C1orf174: variants seen among roughly 807,000 people sequenced by gnomAD.
The protein encoded by C1orf174 is chromosome 1 open reading frame 174.
C1orf174 carries 13 observed loss-of-function variants against 18.4 expected under a neutral mutation model. The observed-to-expected ratio is 0.71, with a 90% CI of 0.46 to 1.12. The LOEUF (loss-of-function observed/expected upper bound fraction) is 1.12, where lower values mean the gene tolerates loss of function less well. Among genes scored for constraint, C1orf174 ranks in the 50% most tolerant of loss-of-function variants. The pLI is 0.00. For missense variants in C1orf174, 309 were observed against 308.0 expected (o/e 1.00, Z -0.02); for synonymous variants, 100 against 118.3 (o/e 0.85, Z 1.01).
chr1:3,900,199 C>A lies in C1orf174; in HGVS notation c.-13G>T, dbSNP rs747698279. On this transcript the variant is annotated 5_prime_UTR_variant, in exon 1 of 4. Coordinates refer to ENST00000361605, the MANE Select transcript of C1orf174 (RefSeq NM_207356.3). ...TCCGGCTCCTCATGAGTGTGAGCAC[C>A]GCAGCCAAGCACCGCGCGCCCCGGC... 1.9e-6 allele frequency: 3 copies of A among 1,581,028 alleles called. No homozygotes were observed. The highest frequency in any genetic ancestry group is 1.1e-5 in the South Asian group (1 of 89,244).
intron 1 of C1orf174, among the ~76,000 whole-genome samples, chr1:3,899,628 G>A (rs1318449446): frequency 6.6e-6 from 1 of 152,204 alleles, no homozygotes; most frequent in African/African-American, 2.4e-5. Context: ...AGCAGTTGAG[G>A]GGCACAAACT....
intron 1 of C1orf174, among the ~76,000 whole-genome samples, chr1:3,895,081 C>T (rs1369660878): frequency 1.3e-5 from 2 of 152,226 alleles, no homozygotes; most frequent in African/African-American, 2.4e-5. Flanking sequence ...CCTAGAAAGC[C>T]ACTGCCCCAC....
chr1:3,889,855 T>C lies in C1orf174; in HGVS notation c.*105A>G. On this transcript the variant is annotated 3_prime_UTR_variant, in exon 4 of 4. Transcript: ENST00000361605. ...TAGATGGGTCAGTTCTGAAGTTTGA[T>C]TAAGACATTCTCTTGGAGATACATT... The C allele has an allele frequency of 9.3e-7, 1 of 1,071,778 alleles. No individual in the cohort carries two copies. Among genetic ancestry groups the C allele is most frequent in the Non-Finnish European group, 1.4e-6 (1 of 696,498 alleles). The allele number at this position is 1,071,778 out of a possible 1,614,324, so 66.4% of individuals were successfully genotyped here. A position where few individuals can be genotyped will look rare whatever the true frequency, so the allele number is the denominator to read the frequency against.
rs548764258 is a variant in C1orf174, at chr1:3,895,182, G to A, written c.16-2186C>T. 4.6e-5 allele frequency: 7 copies of A among 152,508 alleles called. No homozygotes were observed. In the South Asian group the frequency reaches 1.2e-3, roughly 27 times the overall value. The allele number at this position is 152,508 out of a possible 1,614,324, so 9.4% of individuals were successfully genotyped here. ...GGGAGCCCAGCTCGGTGCCTGAACA[G>A]CTTTAAAGGAGTGGCACACCCATTT... On this transcript the variant is annotated intron_variant, in intron 1 of 3. Transcript: ENST00000361605.
At chr1:3,898,528 C>CAACAA (rs1557741838) in intron 1 of C1orf174, among the ~76,000 whole-genome samples, 1 of 136,868 alleles carries the variant, frequency 7.3e-6, no homozygotes, top group Non-Finnish European at 1.6e-5. Flanking sequence ...ACAACAACAA[C>CAACAA]AACAACAACA....
intron 1 of C1orf174, chr1:3,895,992 G>C (rs967844921): frequency 6.6e-6 from 1 of 152,640 alleles, no homozygotes. Context: ...TGGGCACCCA[G>C]CAAATGAAGA....
rs1638466651 is a variant in C1orf174 at position 3,889,718 on chromosome 1, A to G, written c.*242T>C. Reference sequence around the variant, plus strand: ...CTCCAAGGAAAAAAAAAAAAAAAAAAAAAGAAAGGACATTGGCACAGTACA... The same window carrying G: ...CTCCAAGGAAAAAAAAAAAAAAAAAGAAAGAAAGGACATTGGCACAGTACA... On this transcript the variant is annotated 3_prime_UTR_variant, in exon 4 of 4. Coordinates refer to ENST00000361605, the MANE Select transcript of C1orf174 (RefSeq NM_207356.3). 4 of 328,082 alleles carry G rather than the reference A, an allele frequency of 1.2e-5. No homozygotes were observed. The South Asian group carries it at 1.8e-4, about 15-fold the overall frequency. The allele number at this position is 328,082 out of a possible 1,614,324, so 20.3% of individuals were successfully genotyped here.
intron 1 of C1orf174, among the ~76,000 whole-genome samples, chr1:3,899,356 T>C (rs980991078): frequency 2.0e-5 from 3 of 152,136 alleles, no homozygotes; most frequent in Admixed American, 2.0e-4. Flanking sequence ...AAGTGGCCAC[T>C]CCATTTGAAC....
At chr1:3,899,335 T>G (rs1638664137) in intron 1 of C1orf174, among the ~76,000 whole-genome samples, 1 of 151,690 alleles carries the variant, frequency 6.6e-6, no homozygotes, top group South Asian at 2.1e-4. Context: ...GTAAAAGGAG[T>G]TGGAATTCAC....
At chr1:3,899,906 C>T (rs1638676271) in intron 1 of C1orf174, among the ~76,000 whole-genome samples, 1 of 151,926 alleles carries the variant, frequency 6.6e-6, no homozygotes. Context: ...CCTGGGAGCC[C>T]CCTTCTCCCG....
At chr1:3,895,591 G>A (rs1049229223) in intron 1 of C1orf174, 1 of 150,616 alleles carries the variant, frequency 6.6e-6, no homozygotes, top group African/African-American at 2.4e-5. Flanking sequence ...AGACACCTGA[G>A]CAGGCCATTT....
Position 3,890,873 on chromosome 1 carries a change from C to T in C1orf174, c.314G>A (p.Gly105Asp), listed in dbSNP as rs771131563. The T allele has an allele frequency of 2.5e-6, 4 of 1,613,794 alleles. No homozygotes were observed. The highest frequency in any genetic ancestry group is 3.4e-6 in the Non-Finnish European group (4 of 1,180,020). The stretch of plus-strand genomic sequence containing the variant: ...CTGCACAGAAACGCCAGCCTCGCTG[C>T]CTGGAAGCAAGGCACTGCCTTCAGC... ...EFAEGSALLP[G>D]SEAGVSVQQG... is the part of the protein sequence containing the mutation. The change falls in exon 3 of 4, where the codon GGC becomes GAC. Residue 105 changes from glycine (G) to aspartate (D), a missense_variant. Physicochemically the swap from Gly to Asp is moderately conservative, Grantham distance 94 (BLOSUM62 -1). Coordinates refer to ENST00000361605, the MANE Select transcript of C1orf174 (RefSeq NM_207356.3).
At chr1:3,895,512 T>A (rs1638590565) in intron 1 of C1orf174, 1 of 152,218 alleles carries the variant, frequency 6.6e-6, no homozygotes, top group Non-Finnish European at 1.5e-5. Flanking sequence ...GATGATCTGC[T>A]GGGCTGGAAG....
intron 1 of C1orf174, among the ~76,000 whole-genome samples, chr1:3,893,249 T>C (rs1020779262): frequency 6.6e-6 from 1 of 152,236 alleles, no homozygotes; most frequent in African/African-American, 2.4e-5. Flanking sequence ...TGTATATTTC[T>C]AGTAGCCACC....
Position 3,900,160 on chromosome 1 carries a change from C to A in C1orf174, c.15+12G>T. On this transcript the variant is annotated intron_variant, in intron 1 of 3. Transcript: ENST00000361605. ...CTGCCCGGCGCAGCTGCTGCCGGGA[C>A]CCAGCCCTCACCTTCCGGCTCCTCA... The A allele has an allele frequency of 6.3e-7, 1 of 1,582,206 alleles. No individual in the cohort carries two copies. The highest frequency in any genetic ancestry group is 8.5e-7 in the Non-Finnish European group (1 of 1,173,186).
Position 3,900,061 on chromosome 1 carries a change from G to T in C1orf174, c.15+111C>A, listed in dbSNP as rs893938862. The T allele has an allele frequency of 2.2e-6, 3 of 1,349,574 alleles. No homozygotes were observed. In the African/African-American group the frequency reaches 4.6e-5, roughly 21 times the overall value. The allele number at this position is 1,349,574 out of a possible 1,614,324, so 83.6% of individuals were successfully genotyped here. On this transcript the variant is annotated intron_variant, in intron 1 of 3. Coordinates refer to ENST00000361605, the MANE Select transcript of C1orf174 (RefSeq NM_207356.3). ...TGCCGGGGGCGAGGCCCAAGCGGAG[G>T]CCGCTCCTAGGCCACAGGCACCCCG...
intron 1 of C1orf174, among the ~76,000 whole-genome samples, chr1:3,895,079 G>C (rs546061749): frequency 6.6e-6 from 1 of 152,300 alleles, no homozygotes; most frequent in Admixed American, 6.5e-5. Flanking sequence ...GACCTAGAAA[G>C]CCACTGCCCC....
In C1orf174 at chr1:3,890,828, G is replaced by A; in HGVS notation, c.359C>T (p.Pro120Leu). ...ACTCACAACTCTGCAGCCACCGAGAGGAAGACTTGCAGCCCCCTGCTGCAC... is the reference window on the plus strand; with the variant it reads ...ACTCACAACTCTGCAGCCACCGAGAAGAAGACTTGCAGCCCCCTGCTGCAC... ...VSVQQGAASLPLGGCRVVSDS... is the reference protein window; with the variant it reads ...VSVQQGAASLLLGGCRVVSDS... Residue 120 changes from proline to leucine, a missense_variant, in exon 3 of 4, where the codon CCT becomes CTT. Pro to Leu is a moderately conservative substitution (Grantham distance 98). Transcript: ENST00000361605. 6.2e-7 allele frequency: 1 copy of A among 1,613,432 alleles called. No individual in the cohort carries two copies. Among genetic ancestry groups the A allele is most frequent in the Non-Finnish European group, 8.5e-7 (1 of 1,180,020 alleles).
In C1orf174 at chr1:3,892,867, C is replaced by T. The variant is rs368810205; in HGVS notation, c.129+16G>A. 46 of 1,612,854 alleles carry T rather than the reference C, an allele frequency of 2.9e-5. No homozygotes were observed. The East Asian group carries it at 4.5e-4, about 16-fold the overall frequency. On this transcript the variant is annotated intron_variant, in intron 2 of 3. Transcript: ENST00000361605. The stretch of plus-strand genomic sequence containing the variant: ...CGAGTCAGGATCTTGGCGTTCTCCA[C>T]GGTAACAGGGCTCACCAGACATGCT...
Sources: gnomAD v4.1 joint callset for allele counts (sites outside exome capture counted in the v4.1 genomes callset) on GRCh38, gnomAD v4.1.1 for gene constraint, MANE v1.5 for transcripts, NCBI Gene and HGNC (gene_info 2026-07-23, HGNC 2026-07-21) for gene names.